ANXA2: variants seen among roughly 807,000 people sequenced by gnomAD.
ANXA2 encodes annexin II.
Under a neutral mutation model 47.3 loss-of-function variants are expected in ANXA2, and 28 were observed. The ratio of observed to expected loss-of-function variants is 0.59; its 90% CI spans 0.44 to 0.81. ANXA2 has a LOEUF of 0.81. ANXA2 is among the 40% of genes least tolerant of loss of function. The pLI is 0.00. For synonymous variants in ANXA2, 172 were observed against 155.5 expected, an observed-to-expected ratio of 1.11 and a Z score of -0.79; for missense variants, 384 against 414.3, an observed-to-expected ratio of 0.93 and a Z score of 0.64.
Position 60,385,871 on chromosome 15 carries a change from C to T in ANXA2, c.48+157G>A, listed in dbSNP as rs569341502. On this transcript the variant is annotated intron_variant, in intron 2 of 12. Coordinates refer to ENST00000451270, the MANE Select transcript of ANXA2 (RefSeq NM_004039.3). Reference sequence around the variant, plus strand: ...ATGATATTTCCTTCAAATTGAACTACTAGGAACAGCTGAAGTATTAAGAAA... The same window carrying T: ...ATGATATTTCCTTCAAATTGAACTATTAGGAACAGCTGAAGTATTAAGAAA... The T allele has an allele frequency of 5.4e-6, 3 of 550,910 alleles. No homozygotes were observed. The South Asian group carries it at 8.1e-5, about 15-fold the overall frequency. The allele number at this position is 550,910 out of a possible 1,614,324, so 34.1% of individuals were successfully genotyped here.
intron 3 of ANXA2, among the ~76,000 whole-genome samples, chr15:60,372,372 G>A (rs1456299048): frequency 2.6e-5 from 4 of 152,100 alleles, no homozygotes; most frequent in Admixed American, 6.5e-5. Flanking sequence ...GATTCAAACC[G>A]GGACTAAAGA....
chr15:60,378,392 A>G (rs942401480), intron 3 of ANXA2, among the ~76,000 whole-genome samples: 2 of 152,230 alleles, frequency 1.3e-5, no homozygotes, highest in African/African-American at 4.8e-5. Flanking sequence ...TATGTAATAC[A>G]GAGAGTTACA....
chr15:60,355,030 G>C (rs979286913), intron 7 of ANXA2, among the ~76,000 whole-genome samples: 4 of 152,158 alleles, frequency 2.6e-5, no homozygotes, highest in Non-Finnish European at 4.4e-5. Context: ...CAGAGCGGGA[G>C]AGCCAGCTGG....
chr15:60,371,935 A>G (rs1321932776), intron 3 of ANXA2, among the ~76,000 whole-genome samples: 1 of 152,160 alleles, frequency 6.6e-6, no homozygotes, highest in African/African-American at 2.4e-5. Flanking sequence ...GCGGACCACG[A>G]GGTCAGGAGT....
chr15:60,381,311 T>C (rs2062854782), intron 3 of ANXA2, among the ~76,000 whole-genome samples: 1 of 152,164 alleles, frequency 6.6e-6, no homozygotes, highest in Non-Finnish European at 1.5e-5. Flanking sequence ...CAGCTCTAAT[T>C]GTGCTGGGTC....
intron 4 of ANXA2, chr15:60,363,168 G>C (rs968026737): frequency 1.3e-5 from 2 of 151,666 alleles, no homozygotes; most frequent in African/African-American, 2.4e-5. Context: ...TGAGCCTTCT[G>C]CTCCACTGGG....
intron 3 of ANXA2, among the ~76,000 whole-genome samples, chr15:60,368,310 A>T (rs1167973154): frequency 9.0e-5 from 3 of 33,508 alleles, no homozygotes; most frequent in Admixed American, 3.9e-4. Flanking sequence ...ATGATCAATA[A>T]AAAAAAAAAA....
intron 4 of ANXA2, among the ~76,000 whole-genome samples, chr15:60,361,832 T>C (rs925014408): frequency 6.6e-6 from 1 of 152,074 alleles, no homozygotes; most frequent in African/African-American, 2.4e-5. Context: ...TTAGCGATGC[T>C]TCCTCGAGCT....
At chr15:60,382,000 G>A (rs545889415) in intron 3 of ANXA2, among the ~76,000 whole-genome samples, 11 of 145,672 alleles carry the variant, frequency 7.6e-5, no homozygotes, top group African/African-American at 2.0e-4. Flanking sequence ...GAGAAGAAAC[G>A]GGGGGTGGGG....
At chr15:60,353,668 C>CA (rs2062382255) in intron 8 of ANXA2, among the ~76,000 whole-genome samples, 1 of 152,146 alleles carries the variant, frequency 6.6e-6, no homozygotes, top group Admixed American at 6.5e-5. Context: ...GGGCTAGACT[C>CA]AGTGACTCAC....
chr15:60,371,513 AT>A (rs2062709919), intron 3 of ANXA2, among the ~76,000 whole-genome samples: 1 of 152,148 alleles, frequency 6.6e-6, no homozygotes, highest in South Asian at 2.1e-4. Context: ...GTGTGTCTTT[AT>A]TGTCCATGGC....
At chr15:60,366,128 G>A (rs969360153) in intron 3 of ANXA2, among the ~76,000 whole-genome samples, 1 of 133,406 alleles carries the variant, frequency 7.5e-6, no homozygotes, top group Non-Finnish European at 1.6e-5. Context: ...TGGGATTGCA[G>A]ATGGAGTCTC....
rs2062564125 is a variant in ANXA2, at chr15:60,364,483, GC to G, written c.188del (p.Arg63ProfsTer25). 1 of 1,613,168 alleles carries G rather than the reference GC, an allele frequency of 6.2e-7. No homozygotes were observed. Among genetic ancestry groups the G allele is most frequent in the Admixed American group, 1.7e-5 (1 of 59,664 alleles). On this transcript the variant is annotated frameshift_variant, in exon 4 of 13. Coordinates refer to ENST00000451270, the MANE Select transcript of ANXA2 (RefSeq NM_004039.3). LOFTEE classifies it high-confidence loss of function. ...EVTIVNILTN[R>X]SNAQRQDIAF... ...CAATATCCTGTCTCTGTGCATTGCT[GC>G]GGTTGGTCAAAATGTTGACAATGGT...
chr15:60,347,817 C>T lies in ANXA2; in HGVS notation c.961-128G>A, dbSNP rs2140753136. 17 of 824,352 alleles carry T rather than the reference C, an allele frequency of 2.1e-5. No homozygotes were observed. In the South Asian group the frequency reaches 2.1e-4, roughly 10 times the overall value. The allele number at this position is 824,352 out of a possible 1,614,324, so 51.1% of individuals were successfully genotyped here. A position where few individuals can be genotyped will look rare whatever the true frequency, so the allele number is the denominator to read the frequency against. On this transcript the variant is annotated intron_variant, in intron 12 of 12. Transcript: ENST00000451270. ...ACAAAGAGAAGACTCTGCAGGAGAC[C>T]TGCCCTGATACAAAGGCCTGGAAGG...
rs765476679 is a variant in ANXA2, at chr15:60,380,961, A to C, written c.148+1381T>G. ...AGGCAGATGATGCAAATAAATCCTC[A>C]CATCTTGTTAGAACCATAGAACGTT... On this transcript the variant is annotated intron_variant, in intron 3 of 12. Transcript: ENST00000451270. 3.3e-5 allele frequency among the ~76,000 whole-genome samples: 5 copies of C among 152,176 alleles called. No individual in the cohort carries two copies. The East Asian group carries it at 9.7e-4, about 29-fold the overall frequency.
chr15:60,396,408 G>A (rs957433653), intron 1 of ANXA2: 1 of 152,182 alleles, frequency 6.6e-6, no homozygotes, highest in Admixed American at 6.5e-5. Flanking sequence ...ATGCGTCACG[G>A]AAGAGCCAGA....
At chr15:60,391,064 G>T (rs1054688569) in intron 1 of ANXA2, 1 of 152,266 alleles carries the variant, frequency 6.6e-6, no homozygotes, top group Non-Finnish European at 1.5e-5. Flanking sequence ...GGATACAAAA[G>T]ACACTTATAA....
In ANXA2 at chr15:60,347,616, G is replaced by A; in HGVS notation, c.*14C>T. 6.2e-7 allele frequency: 1 copy of A among 1,614,046 alleles called. No homozygotes were observed. On this transcript the variant is annotated 3_prime_UTR_variant, in exon 13 of 13. Coordinates refer to ENST00000451270, the MANE Select transcript of ANXA2 (RefSeq NM_004039.3). Reference sequence around the variant, plus strand: ...GGTGAGCACCATTTCTGGACGCTCAGGCCGTGTCGGGCTTCAGTCATCTCC... The same window carrying A: ...GGTGAGCACCATTTCTGGACGCTCAAGCCGTGTCGGGCTTCAGTCATCTCC...
rs1314662736 is a variant in ANXA2, at chr15:60,357,212, G to C, written c.382C>G (p.Leu128Val). The change falls in exon 6 of 13, where the codon CTC becomes GTC. Residue 128 changes from leucine to valine, a missense_variant. Coordinates refer to ENST00000451270, the MANE Select transcript of ANXA2 (RefSeq NM_004039.3). ...GTTCTGGAGCAGATGATCTCAATGA[G>C]AGAGTCCTCGTCGGTTCCCAGCCCC... ...MKGLGTDEDS[L>V]IEIICSRTNQ... 15 of 1,614,050 alleles carry C rather than the reference G, an allele frequency of 9.3e-6. No individual in the cohort carries two copies. The highest frequency in any genetic ancestry group is 1.3e-5 in the Non-Finnish European group (15 of 1,180,030).
Sources: gnomAD v4.1 joint callset for allele counts (sites outside exome capture counted in the v4.1 genomes callset) on GRCh38, gnomAD v4.1.1 for gene constraint, MANE v1.5 for transcripts, NCBI Gene and HGNC (gene_info 2026-07-23, HGNC 2026-07-21) for gene names.